The following CPXM2 variants were observed in gnomAD, a reference collection of about 807,000 sequenced individuals.
CPXM2 encodes the protein inactive carboxypeptidase-like protein X2.
CPXM2 carries 66 observed loss-of-function variants against 86.1 expected under a neutral mutation model. The ratio of observed to expected loss-of-function variants is 0.77; its 90% CI spans 0.63 to 0.94. CPXM2 has a LOEUF of 0.94. Ranked by LOEUF, CPXM2 falls within the 40% of genes least tolerant of loss-of-function variation. The pLI is 0.00. For missense variants in CPXM2, 948 were observed against 1,026.3 expected, an observed-to-expected ratio of 0.92 and a Z score of 1.04; for synonymous variants, 388 against 400.2, an observed-to-expected ratio of 0.97 and a Z score of 0.36.
intron 4 of CPXM2, among the ~76,000 whole-genome samples, chr10:123,825,183 C>T (rs1315350757): frequency 2.0e-5 from 3 of 152,146 alleles, no homozygotes; most frequent in African/African-American, 7.2e-5. Flanking sequence ...AGGCCTCACA[C>T]CATGTGCTCT....
At chr10:123,938,702 C>T (rs1340696556) in intron 2 of CPXM2, among the ~76,000 whole-genome samples, 1 of 152,172 alleles carries the variant, frequency 6.6e-6, no homozygotes, top group Non-Finnish European at 1.5e-5. Flanking sequence ...GGCTGGCCAG[C>T]GTCTACCGCA....
In CPXM2 at chr10:123,816,533, T is replaced by C. The variant is rs953553201; in HGVS notation, c.654-17334A>G. Reference sequence around the variant, plus strand: ...CCATTTGGCCTGTGCAGAAGACAGATGGATCTTGGGGAATGACAGTGGATT... The same window carrying C: ...CCATTTGGCCTGTGCAGAAGACAGACGGATCTTGGGGAATGACAGTGGATT... On this transcript the variant is annotated intron_variant, in intron 4 of 13. Transcript: ENST00000241305. 3.3e-5 allele frequency among the ~76,000 whole-genome samples: 5 copies of C among 152,358 alleles called. No individual in the cohort carries two copies. The South Asian group carries it at 8.3e-4, about 25-fold the overall frequency.
chr10:123,751,121 T>C (rs2133967268), intron 13 of CPXM2: 15 of 931,662 alleles, frequency 1.6e-5, no homozygotes, highest in Middle Eastern at 5.5e-4. Flanking sequence ...GAAAGAAGTA[T>C]GCAGACACAG....
At chr10:123,800,840 A>G (rs2134072414) in intron 4 of CPXM2, among the ~76,000 whole-genome samples, 1 of 152,338 alleles carries the variant, frequency 6.6e-6, no homozygotes, top group Admixed American at 6.5e-5. Flanking sequence ...AATTGTTTCT[A>G]TGGCTCAGAA....
chr10:123,883,570 CA>C (rs1417250040), intron 1 of CPXM2, among the ~76,000 whole-genome samples: 41 of 152,368 alleles, frequency 2.7e-4, no homozygotes, highest in African/African-American at 9.6e-4. Flanking sequence ...TCACCCATCA[CA>C]AAAAGCTATT....
chr10:123,911,333 G>T (rs975474158), intron 2 of CPXM2, among the ~76,000 whole-genome samples: 1 of 152,044 alleles, frequency 6.6e-6, no homozygotes, highest in African/African-American at 2.4e-5. Flanking sequence ...TGGTCCAGGG[G>T]ACAGGTCCCC....
chr10:123,910,451 C>T (rs760909969), intron 2 of CPXM2, among the ~76,000 whole-genome samples: 1 of 152,168 alleles, frequency 6.6e-6, no homozygotes, highest in Non-Finnish European at 1.5e-5. Context: ...CTCGGAACTG[C>T]ACCCCCGGCC....
intron 2 of CPXM2, among the ~76,000 whole-genome samples, chr10:123,937,438 T>G (rs1211009012): frequency 7.1e-6 from 1 of 141,220 alleles, no homozygotes; most frequent in African/African-American, 2.6e-5. Context: ...ATCCCCAGCT[T>G]TCAGTCTGTT....
intron 2 of CPXM2, among the ~76,000 whole-genome samples, chr10:123,905,125 A>G (rs1945425136): frequency 6.6e-6 from 1 of 152,188 alleles, no homozygotes; most frequent in African/African-American, 2.4e-5. Context: ...TCTGCAGTCA[A>G]ATGCTCTACC....
intron 13 of CPXM2, chr10:123,752,282 G>T (rs1386100850): frequency 1.0e-6 from 1 of 985,172 alleles, no homozygotes; most frequent in Non-Finnish European, 1.2e-6. Flanking sequence ...CCTATGAGGG[G>T]CTACTACGTA....
intron 10 of CPXM2, among the ~76,000 whole-genome samples, chr10:123,762,964 G>A (rs974229780): frequency 6.6e-6 from 1 of 152,184 alleles, no homozygotes; most frequent in African/African-American, 2.4e-5. Flanking sequence ...AAACACATCA[G>A]GGGCCCTGGA....
rs1945263142 is a variant in CPXM2 at position 123,891,256 on chromosome 10, G to A, written c.304+100C>T. ...CGGCAACAGGGAGATTCCCGGGACT[G>A]GCCCATCCCAGACACACACAATGGG... On this transcript the variant is annotated intron_variant, in intron 1 of 13. Transcript: ENST00000241305. The surrounding 1 kb of genome is among the most constrained non-coding windows in gnomAD (Gnocchi z 5.6). The A allele has an allele frequency of 9.8e-7, 1 of 1,022,032 alleles. No homozygotes were observed. The highest frequency in any genetic ancestry group is 3.1e-5 in the Admixed American group (1 of 32,482). The allele number at this position is 1,022,032 out of a possible 1,614,324, so 63.3% of individuals were successfully genotyped here. A position where few individuals can be genotyped will look rare whatever the true frequency, so the allele number is the denominator to read the frequency against.
At chr10:123,768,247 T>G (rs1360679079) in intron 9 of CPXM2, among the ~76,000 whole-genome samples, 3 of 152,018 alleles carry the variant, frequency 2.0e-5, no homozygotes, top group Non-Finnish European at 1.5e-5. Flanking sequence ...GCATGGTGGC[T>G]GGCGGCCGTA....
rs187372814 is a variant in CPXM2, at chr10:123,755,790, C to G, written c.1918-1028G>C. Among the ~76,000 whole-genome samples the G allele has an allele frequency of 1.7e-3, 258 of 152,314 alleles. 1 individual carries two copies. The highest frequency in any genetic ancestry group is 2.9e-3 in the Non-Finnish European group (198 of 68,038). On this transcript the variant is annotated intron_variant, in intron 12 of 13. Transcript: ENST00000241305. ...TTCCATCATTACCAATGACTTTACG[C>G]ATATTTCGAGGACTGGGCATTTTAT...
At chr10:123,817,607 C>T (rs531211836) in intron 4 of CPXM2, among the ~76,000 whole-genome samples, 4 of 152,242 alleles carry the variant, frequency 2.6e-5, no homozygotes, top group South Asian at 2.1e-4. Flanking sequence ...GTGGTATATA[C>T]GTAATTGGGC....
chr10:123,785,526 T>C (rs773263571), intron 6 of CPXM2, among the ~76,000 whole-genome samples: 2 of 152,154 alleles, frequency 1.3e-5, no homozygotes, highest in Non-Finnish European at 2.9e-5. Context: ...CCTCAGTCCC[T>C]GGCAGCCTGG....
At chr10:123,894,189 A>G (rs905595571), upstream of CPXM2, among the ~76,000 whole-genome samples, 1 of 152,144 alleles carries the variant, frequency 6.6e-6, no homozygotes, top group Non-Finnish European at 1.5e-5. Context: ...ATACATCCCA[A>G]TGGCCCCAAG....
chr10:123,886,707 T>C (rs1280287617), intron 1 of CPXM2, among the ~76,000 whole-genome samples: 2 of 152,174 alleles, frequency 1.3e-5, no homozygotes. Flanking sequence ...CAAGCCTACT[T>C]CTAACCCAAT....
At chr10:123,803,848 A>G (rs1191994405) in intron 4 of CPXM2, among the ~76,000 whole-genome samples, 1 of 151,940 alleles carries the variant, frequency 6.6e-6, no homozygotes, top group Non-Finnish European at 1.5e-5. Flanking sequence ...TTTTTAGTAG[A>G]GAGGGGTTTC....
Sources: allele counts gnomAD v4.1 joint callset (sites outside exome capture counted in the v4.1 genomes callset), GRCh38; gene constraint gnomAD v4.1.1; non-coding constraint Gnocchi (gnomAD v3.1); transcripts MANE v1.5; gene names NCBI Gene and HGNC (gene_info 2026-07-23, HGNC 2026-07-21).